DDI2: variants seen among roughly 807,000 people sequenced by gnomAD.
DDI2 encodes the protein protein DDI1 homolog 2.
DDI2 carries 5 observed loss-of-function variants against 48.1 expected under a neutral mutation model. The ratio of observed to expected loss-of-function variants is 0.10; its 90% CI spans 0.05 to 0.22. The LOEUF (loss-of-function observed/expected upper bound fraction) is 0.22. DDI2 is among the 10% of genes least tolerant of loss of function. DDI2 has a pLI of 1.00. For synonymous variants in DDI2, 205 were observed against 183.6 expected, an observed-to-expected ratio of 1.12 and a Z score of -0.94; for missense variants, 285 against 506.2, an observed-to-expected ratio of 0.56 and a Z score of 4.19.
chr1:15,643,647 C>CT lies in DDI2; in HGVS notation c.887dup (p.Ala297SerfsTer6). The CT allele has an allele frequency of 6.2e-7, 1 of 1,614,034 alleles. No homozygotes were observed. The highest frequency in any genetic ancestry group is 8.5e-7 in the Non-Finnish European group (1 of 1,179,982). On this transcript the variant is annotated frameshift_variant, in exon 6 of 10. Transcript: ENST00000480945. LOFTEE classifies it high-confidence loss of function. ...CCAGAAGATTATTGGAAGGGTACAT[C>CT]TAGGTGAGCAAAAGGCACTGGGGCT...
intron 5 of DDI2, among the ~76,000 whole-genome samples, chr1:15,642,583 G>A (rs543259282): frequency 6.6e-6 from 1 of 152,136 alleles, no homozygotes. Flanking sequence ...CCTGAAGTAC[G>A]ATTACAGGCA....
Position 15,651,696 on chromosome 1 carries a change from T to G in DDI2, c.994-10T>G. 6.3e-7 allele frequency: 1 copy of G among 1,590,218 alleles called. No homozygotes were observed. Among genetic ancestry groups the G allele is most frequent in the Non-Finnish European group, 8.5e-7 (1 of 1,170,760 alleles). ...TATCTGCTATTATTCTTTGGTTTCT[T>G]TCTTCCAAGTGTTCCATCGACCTGA... On this transcript the variant is annotated splice_polypyrimidine_tract_variant and intron_variant, in intron 7 of 9. Coordinates refer to ENST00000480945, the MANE Select transcript of DDI2 (RefSeq NM_032341.5).
rs546443069 is a variant in DDI2, at chr1:15,665,422, A to G, written c.*5632A>G. ...GACACAACCCTATGTGTTTTTTCCCAAAGCATGTCTCTAGCAAGAGGGTAC... is the reference window on the plus strand; with the variant it reads ...GACACAACCCTATGTGTTTTTTCCCGAAGCATGTCTCTAGCAAGAGGGTAC... On this transcript the variant is annotated 3_prime_UTR_variant, in exon 10 of 10. Coordinates refer to ENST00000480945, the MANE Select transcript of DDI2 (RefSeq NM_032341.5). 6.6e-6 allele frequency: 1 copy of G among 152,288 alleles called. No individual in the cohort carries two copies. Among genetic ancestry groups the G allele is most frequent in the Admixed American group, 6.5e-5 (1 of 15,292 alleles). 9.4% of individuals were successfully genotyped at this position (152,288 alleles called of 1,614,324 possible).
At chr1:15,646,118 T>C (rs1403429620) in intron 6 of DDI2, among the ~76,000 whole-genome samples, 1 of 152,196 alleles carries the variant, frequency 6.6e-6, no homozygotes, top group African/African-American at 2.4e-5. Context: ...AAAATAAGCC[T>C]CTAGTCTGCT....
At position 15,661,694 on chromosome 1, in the gene DDI2, TC is replaced by T; in HGVS notation, c.*1905del. ...GCAGACCTTGCACTTCTTGTTTTGC[TC>T]GCAAAAAACATCGTAGTTCCTACAT... On this transcript the variant is annotated 3_prime_UTR_variant, in exon 10 of 10. Transcript: ENST00000480945. The T allele has an allele frequency of 6.2e-7, 1 of 1,610,096 alleles. No homozygotes were observed. Among genetic ancestry groups the T allele is most frequent in the Middle Eastern group, 1.7e-4 (1 of 6,030 alleles).
chr1:15,642,891 C>T (rs1216665788), intron 5 of DDI2, among the ~76,000 whole-genome samples: 1 of 152,180 alleles, frequency 6.6e-6, no homozygotes, highest in South Asian at 2.1e-4. Context: ...CACAGTGAAA[C>T]CCCACCTCTA....
rs545551643 is a variant in DDI2, at chr1:15,634,715, A to G, written c.632+1150A>G. 6.7e-4 allele frequency among the ~76,000 whole-genome samples: 101 copies of G among 151,618 alleles called. No homozygotes were observed. The South Asian group carries it at 0.021, about 31-fold the overall frequency. On this transcript the variant is annotated intron_variant, in intron 4 of 9. Transcript: ENST00000480945. ...CCCAGCTAATTTTTTCATTTTTTGT[A>G]GAGACAGGATTTCACTGTGTTGCCC... is the stretch of plus-strand genomic sequence containing the variant.
chr1:15,626,925 C>T (rs1306623220), intron 2 of DDI2, 127 bp downstream of exon 2: 1 of 1,200,456 alleles, frequency 8.3e-7, no homozygotes, highest in Non-Finnish European at 1.2e-6. Flanking sequence ...CTGCCTTTTC[C>T]CTGCCGTGTA....
At chr1:15,647,741 T>C (rs1640113261) in intron 6 of DDI2, among the ~76,000 whole-genome samples, 1 of 152,076 alleles carries the variant, frequency 6.6e-6, no homozygotes, top group Non-Finnish European at 1.5e-5. Flanking sequence ...GTGGGCAGAT[T>C]GCTTGAGCTC....
In DDI2 at chr1:15,664,421, ACT is replaced by A. The variant is rs1013270363; in HGVS notation, c.*4634_*4635del. The stretch of plus-strand genomic sequence containing the variant: ...ACTCCAGTGTGGGCGGCAGAGTGAG[ACT>A]CTGTCTCACCCAAAAAAAAAAAAAA... On this transcript the variant is annotated 3_prime_UTR_variant, in exon 10 of 10. Transcript: ENST00000480945. 1.3e-4 allele frequency: 18 copies of A among 138,918 alleles called. No individual in the cohort carries two copies. The highest frequency in any genetic ancestry group is 4.0e-4 in the African/African-American group (14 of 35,414). The allele number at this position is 138,918 out of a possible 1,614,324, so 8.6% of individuals were successfully genotyped here.
At chr1:15,629,812 A>G (rs1639815171) in intron 2 of DDI2, among the ~76,000 whole-genome samples, 1 of 149,270 alleles carries the variant, frequency 6.7e-6, no homozygotes, top group South Asian at 2.1e-4. Flanking sequence ...GCTCACTGCA[A>G]CCTCCACCTC....
In DDI2 at chr1:15,622,233, G is replaced by A. The variant is rs146360048; in HGVS notation, c.138+4425G>A. On this transcript the variant is annotated intron_variant, in intron 1 of 9. Coordinates refer to ENST00000480945, the MANE Select transcript of DDI2 (RefSeq NM_032341.5). ...TTTTTTTTGAGACGAGGTCTTGCCA[G>A]TGCTAGGCTTGAACTCCTAACCTCA... Among the ~76,000 whole-genome samples, 588 of 137,806 alleles carry A rather than the reference G, an allele frequency of 4.3e-3. 11 individuals are homozygous for A. Among genetic ancestry groups the A allele is most frequent in the Admixed American group, 0.037 (497 of 13,344 alleles). 90.4% of individuals were successfully genotyped at this position (137,806 alleles called of 152,430 possible). A position where few individuals can be genotyped will look rare whatever the true frequency, so the allele number is the denominator to read the frequency against.
At chr1:15,621,597 G>A (rs745630041) in intron 1 of DDI2, among the ~76,000 whole-genome samples, 22 of 152,132 alleles carry the variant, frequency 1.4e-4, no homozygotes, top group East Asian at 1.9e-4. Flanking sequence ...TGTTGGCCAC[G>A]CTGGTCTCAA....
At position 15,663,868 on chromosome 1, in the gene DDI2, T is replaced by G. The variant is rs570360752; in HGVS notation, c.*4078T>G. On this transcript the variant is annotated 3_prime_UTR_variant, in exon 10 of 10. Transcript: ENST00000480945. ...CCTTCCATGTAAGCAGAACGAACCT[T>G]GGCACACAATTCAGTGTGGATATTT... is the stretch of plus-strand genomic sequence containing the variant. 6.6e-6 allele frequency: 1 copy of G among 152,286 alleles called. No homozygotes were observed. Among genetic ancestry groups the G allele is most frequent in the African/African-American group, 2.4e-5 (1 of 41,562 alleles). The allele number at this position is 152,286 out of a possible 1,614,324, so 9.4% of individuals were successfully genotyped here. A position where few individuals can be genotyped will look rare whatever the true frequency, so the allele number is the denominator to read the frequency against.
At chr1:15,618,514 G>T (rs1639602967) in intron 1 of DDI2, among the ~76,000 whole-genome samples, 1 of 152,064 alleles carries the variant, frequency 6.6e-6, no homozygotes, top group South Asian at 2.1e-4. Flanking sequence ...TTTCTTTCAG[G>T]TCACAGTTCA....
At chr1:15,637,425 G>A (rs1639946034) in intron 4 of DDI2, among the ~76,000 whole-genome samples, 1 of 152,192 alleles carries the variant, frequency 6.6e-6, no homozygotes, top group South Asian at 2.1e-4. Context: ...AGGCTGGAGT[G>A]TAGTCGTGCG....
At chr1:15,619,213 C>T (rs539212245) in intron 1 of DDI2, among the ~76,000 whole-genome samples, 1 of 152,002 alleles carries the variant, frequency 6.6e-6, no homozygotes, top group Non-Finnish European at 1.5e-5. Context: ...CCCAGTCTCC[C>T]GGGTTCAAGC....
chr1:15,621,399 G>T (rs887050477), intron 1 of DDI2, among the ~76,000 whole-genome samples: 1 of 152,020 alleles, frequency 6.6e-6, no homozygotes, highest in African/African-American at 2.4e-5. Context: ...TCTTCTGTGT[G>T]TTTGTTTTTT....
chr1:15,637,771 T>C (rs1005085285), intron 4 of DDI2, among the ~76,000 whole-genome samples: 4 of 152,148 alleles, frequency 2.6e-5, no homozygotes, highest in East Asian at 1.9e-4. Flanking sequence ...TAAGCTGTTA[T>C]ATGAGCACTG....
Sources: gnomAD v4.1 joint callset for allele counts (sites outside exome capture counted in the v4.1 genomes callset) on GRCh38, gnomAD v4.1.1 for gene constraint, MANE v1.5 for transcripts, NCBI Gene and HGNC (gene_info 2026-07-23, HGNC 2026-07-21) for gene names.